Variants in MYO3A observed in about 807,000 individuals in gnomAD.
The protein encoded by MYO3A is myosin IIIA.
MYO3A carries 180 observed loss-of-function variants against 192.7 expected under a neutral mutation model. The observed-to-expected ratio is 0.93, with a 90% CI of 0.83 to 1.06. The LOEUF (loss-of-function observed/expected upper bound fraction) is 1.06. MYO3A is among the 50% of genes least tolerant of loss of function. MYO3A has a pLI of 0.00. For synonymous variants in MYO3A, 628 were observed against 645.3 expected (o/e 0.97, Z 0.41); for missense variants, 1,896 against 1,905.0 (o/e 1.00, Z 0.09).
intron 10 of MYO3A, among the ~76,000 whole-genome samples, chr10:26,041,338 T>TTTGTTGTTG (rs140583410): frequency 2.3e-4 from 35 of 151,664 alleles, no homozygotes; most frequent in Admixed American, 7.9e-4. Flanking sequence ...AGTTTGGGTT[T>TTTGTTGTTG]TTGTTGTTGT....
At chr10:26,187,798 A>G (rs147345066) in intron 31 of MYO3A, among the ~76,000 whole-genome samples, 8,990 of 151,936 alleles carry the variant, frequency 0.059, 345 homozygotes, top group Non-Finnish European at 0.085. Flanking sequence ...ACCTTCATCC[A>G]TGTCCCTACA....
chr10:25,969,067 A>G (rs1838446842), intron 4 of MYO3A, among the ~76,000 whole-genome samples: 2 of 152,148 alleles, frequency 1.3e-5, no homozygotes, highest in African/African-American at 4.8e-5. Flanking sequence ...GTGAAACCCC[A>G]TCTCTACTAA....
chr10:26,011,496 A>G (rs1841657622), intron 6 of MYO3A, among the ~76,000 whole-genome samples: 1 of 152,208 alleles, frequency 6.6e-6, no homozygotes, highest in South Asian at 2.1e-4. Context: ...TTTAAAAATC[A>G]TTTCAACAAA....
At chr10:26,140,959 G>T (rs537698077) in intron 20 of MYO3A, among the ~76,000 whole-genome samples, 2 of 152,032 alleles carry the variant, frequency 1.3e-5, no homozygotes, top group African/African-American at 2.4e-5. Flanking sequence ...ATGGAGTCTC[G>T]CTCTGTCGCC....
chr10:26,165,923 G>A (rs1222771424), intron 26 of MYO3A, 144 bp from the exon 27 acceptor site: 12 of 778,042 alleles, frequency 1.5e-5, no homozygotes, highest in Middle Eastern at 3.2e-4. Context: ...CTCCGAAGTT[G>A]TTCTGAGGAT....
intron 4 of MYO3A, among the ~76,000 whole-genome samples, chr10:25,991,473 C>A (rs921082384): frequency 2.6e-5 from 4 of 152,134 alleles, no homozygotes; most frequent in Non-Finnish European, 5.9e-5. Context: ...TGCCTGTTCA[C>A]TCTGATGGTA....
At chr10:26,173,240 C>T (rs932758650) in intron 29 of MYO3A, among the ~76,000 whole-genome samples, 25 of 152,228 alleles carry the variant, frequency 1.6e-4, no homozygotes, top group African/African-American at 6.0e-4. Flanking sequence ...AAACTTAGTG[C>T]TTATTAAAGT....
At chr10:25,941,327 C>G (rs1227730554) in intron 2 of MYO3A, among the ~76,000 whole-genome samples, 1 of 152,138 alleles carries the variant, frequency 6.6e-6, no homozygotes, top group Non-Finnish European at 1.5e-5. Context: ...CCATAGAAAG[C>G]AAAGAAAGCA....
chr10:26,014,483 C>G (rs1564460731), intron 6 of MYO3A, among the ~76,000 whole-genome samples: 1 of 151,990 alleles, frequency 6.6e-6, no homozygotes, highest in East Asian at 1.9e-4. Flanking sequence ...AAATATTAAT[C>G]TGATTTCAAA....
At chr10:26,161,517 TA>T (rs1339087927) in intron 26 of MYO3A, among the ~76,000 whole-genome samples, 2 of 152,054 alleles carry the variant, frequency 1.3e-5, no homozygotes, top group African/African-American at 2.4e-5. Context: ...TATGGTGGAG[TA>T]GATAAGTACC....
chr10:26,008,096 G>T (rs1358993206), intron 6 of MYO3A, among the ~76,000 whole-genome samples: 1 of 148,528 alleles, frequency 6.7e-6, no homozygotes, highest in Non-Finnish European at 1.5e-5. Context: ...ACAACTATCT[G>T]ATCTTTGACA....
chr10:26,090,888 T>C (rs140485755), intron 15 of MYO3A, among the ~76,000 whole-genome samples: 1 of 152,088 alleles, frequency 6.6e-6, no homozygotes, highest in East Asian at 1.9e-4. Context: ...TGTCTGCAGG[T>C]GGAGGGAGGG....
At chr10:26,023,792 A>G (rs1842422936) in intron 8 of MYO3A, among the ~76,000 whole-genome samples, 1 of 152,240 alleles carries the variant, frequency 6.6e-6, no homozygotes, top group Non-Finnish European at 1.5e-5. Flanking sequence ...AAAAATAATA[A>G]CAGTTGGAAA....
chr10:26,179,113 T>G (rs1321732876), intron 31 of MYO3A, among the ~76,000 whole-genome samples: 44 of 141,980 alleles, frequency 3.1e-4, no homozygotes, highest in African/African-American at 1.2e-3. Context: ...TTTTTTTTTT[T>G]TTGAGACGGA....
chr10:26,130,853 ATTGTATGTAGCTAT>A (rs1162313857), intron 20 of MYO3A, among the ~76,000 whole-genome samples: 1 of 152,210 alleles, frequency 6.6e-6, no homozygotes, highest in Non-Finnish European at 1.5e-5. Flanking sequence ...AAGCTAACTA[ATTGTATGTAGCTAT>A]CACAGACAAA....
rs771548411 is a variant in MYO3A at position 26,176,861 on chromosome 10, G to C, written c.4438+16G>C. Reference sequence around the variant, plus strand: ...TGCCTCTCAGGTAAAAATCAGTAGAGTTAGAACTTCCTGAATGGGAAGGAA... The same window carrying C: ...TGCCTCTCAGGTAAAAATCAGTAGACTTAGAACTTCCTGAATGGGAAGGAA... On this transcript the variant is annotated intron_variant, in intron 31 of 34. Transcript: ENST00000642920. The C allele has an allele frequency of 1.9e-5, 30 of 1,612,994 alleles. No individual in the cohort carries two copies. Among genetic ancestry groups the C allele is most frequent in the Non-Finnish European group, 2.5e-5 (29 of 1,179,026 alleles).
chr10:26,191,686 C>A (rs533345826), intron 31 of MYO3A, among the ~76,000 whole-genome samples: 25 of 152,202 alleles, frequency 1.6e-4, no homozygotes, highest in Admixed American at 5.2e-4. Context: ...AATATGAATA[C>A]TTCTGTGATC....
chr10:25,944,431 G>C (rs1408371649), intron 2 of MYO3A, among the ~76,000 whole-genome samples: 2 of 151,906 alleles, frequency 1.3e-5, no homozygotes, highest in African/African-American at 4.8e-5. Flanking sequence ...TAGGAAGTGT[G>C]CCCTCTTTTT....
chr10:26,028,003 C>G (rs1314390836), intron 10 of MYO3A, among the ~76,000 whole-genome samples: 1 of 152,072 alleles, frequency 6.6e-6, no homozygotes, highest in Non-Finnish European at 1.5e-5. Context: ...TTTGTTTCAT[C>G]CCAGAAACAT....
Sources: allele counts gnomAD v4.1 joint callset (sites outside exome capture counted in the v4.1 genomes callset), GRCh38; gene constraint gnomAD v4.1.1; transcripts MANE v1.5; gene names NCBI Gene and HGNC (gene_info 2026-07-23, HGNC 2026-07-21).